The following MYRF variants were observed in gnomAD, a reference collection of about 807,000 sequenced individuals.
MYRF encodes myelin gene regulatory factor.
A neutral mutation model predicts 126.3 loss-of-function variants in MYRF; 16 were observed. The ratio of observed to expected loss-of-function variants is 0.13; its 90% CI spans 0.09 to 0.19. The LOEUF is 0.19. Ranked by LOEUF, MYRF falls within the 10% of genes least tolerant of loss-of-function variation. The pLI, the probability that MYRF is intolerant of heterozygous loss-of-function variation, is 1.00. For missense variants in MYRF, 1,104 were observed against 1,547.0 expected (o/e 0.71, Z 4.80); for synonymous variants, 608 against 635.3 (o/e 0.96, Z 0.65).
rs1372297775 is a variant in MYRF, at chr11:61,767,026, G to A, written c.398+805G>A. ...ATGGCCTCAGTTTCTTCTGTGAAGT[G>A]AGCCCTCAAATGCTTACCCCTCAAG... On this transcript the variant is annotated intron_variant, in intron 3 of 26. Coordinates refer to ENST00000278836, the MANE Select transcript of MYRF (RefSeq NM_001127392.3). 6.6e-6 allele frequency: 3 copies of A among 456,628 alleles called. No individual in the cohort carries two copies. In the Admixed American group the frequency reaches 7.0e-5, roughly 11 times the overall value. 28.3% of individuals were successfully genotyped at this position (456,628 alleles called of 1,614,324 possible). A position where few individuals can be genotyped will look rare whatever the true frequency, so the allele number is the denominator to read the frequency against.
At chr11:61,755,693 AGCCC>A (rs2065732393) in intron 1 of MYRF, 4 of 693,188 alleles carry the variant, frequency 5.8e-6, no homozygotes, top group Non-Finnish European at 1.1e-5. Flanking sequence ...CTCACTGCCC[AGCCC>A]TGGGAAGGAG....
rs759474234 is a variant in MYRF, at chr11:61,777,259, G to C, written c.1591-5G>C. The C allele has an allele frequency of 2.5e-6, 4 of 1,610,790 alleles. No individual in the cohort carries two copies. In the East Asian group the frequency reaches 8.9e-5, roughly 36 times the overall value. Reference sequence around the variant, plus strand: ...CAGGACTGATCCAGCCCCAACTCGCGGTAGGCCTCCAACCCAGGCCAGTTC... The same window carrying C: ...CAGGACTGATCCAGCCCCAACTCGCCGTAGGCCTCCAACCCAGGCCAGTTC... On this transcript the variant is annotated splice_polypyrimidine_tract_variant and splice_region_variant and intron_variant, in intron 11 of 26. Coordinates refer to ENST00000278836, the MANE Select transcript of MYRF (RefSeq NM_001127392.3). The surrounding 1 kb of genome is among the most constrained non-coding windows in gnomAD (Gnocchi z 8.8).
intron 1 of MYRF, chr11:61,753,998 C>G (rs1290622871): frequency 6.6e-6 from 1 of 152,670 alleles, no homozygotes; most frequent in Non-Finnish European, 1.5e-5. Flanking sequence ...CGAGCTCCCT[C>G]TAGTCCCTAA....
chr11:61,769,334 G>A lies in MYRF; in HGVS notation c.460+13G>A, dbSNP rs764894542. The A allele has an allele frequency of 1.9e-6, 3 of 1,604,188 alleles. No homozygotes were observed. The highest frequency in any genetic ancestry group is 2.6e-6 in the Non-Finnish European group (3 of 1,175,200). ...CAGCAGGTGAATGGTGAGTCCAGCG[G>A]GCACCGCCCTCCTGCTCCAGGGTTT... On this transcript the variant is annotated intron_variant, in intron 4 of 26. Coordinates refer to ENST00000278836, the MANE Select transcript of MYRF (RefSeq NM_001127392.3).
intron 1 of MYRF, chr11:61,755,507 G>A (rs895025152): frequency 2.5e-6 from 4 of 1,578,212 alleles, no homozygotes; most frequent in Non-Finnish European, 3.5e-6. Context: ...GGACAGGGCA[G>A]TGTCTGAGAA....
Position 61,776,827 on chromosome 11 carries a change from A to G in MYRF, c.1540A>G (p.Asn514Asp). 1.9e-6 allele frequency: 3 copies of G among 1,608,844 alleles called. No homozygotes were observed. The highest frequency in any genetic ancestry group is 1.7e-6 in the Non-Finnish European group (2 of 1,177,940). Reference sequence around the variant, plus strand: ...GGTGGCCCTCCAGGCTCATGCACAGAACCAGAACTACACGCTGGCCGCCCA... The same window carrying G: ...GGTGGCCCTCCAGGCTCATGCACAGGACCAGAACTACACGCTGGCCGCCCA... ...LVVALQAHAQ[N>D]QNYTLAAQIS... The change falls in exon 11 of 27, where the codon AAC (asparagine) becomes GAC (aspartate). Residue 514 changes from asparagine to aspartate, a missense_variant. This residue lies in a region of MYRF where 48 missense variants were observed against 148.2 expected (regional missense o/e 0.32). Coordinates refer to ENST00000278836, the MANE Select transcript of MYRF (RefSeq NM_001127392.3). The surrounding 1 kb of genome is among the most constrained non-coding windows in gnomAD (Gnocchi z 4.3).
rs559811471 is a variant in MYRF, at chr11:61,780,108, T to C, written c.2337-114T>C. The stretch of plus-strand genomic sequence containing the variant: ...TCTTCCCCTCTGGGGTGACCCATTT[T>C]GTAGGCATCACCTGGGAGCCCAGCC... On this transcript the variant is annotated intron_variant, in intron 17 of 26. Coordinates refer to ENST00000278836, the MANE Select transcript of MYRF (RefSeq NM_001127392.3). 5 of 1,345,824 alleles carry C rather than the reference T, an allele frequency of 3.7e-6. No individual in the cohort carries two copies. In the East Asian group the frequency reaches 1.2e-4, roughly 33 times the overall value. 83.4% of individuals were successfully genotyped at this position (1,345,824 alleles called of 1,614,324 possible). A position where few individuals can be genotyped will look rare whatever the true frequency, so the allele number is the denominator to read the frequency against.
Position 61,786,472 on chromosome 11 carries a change from T to G in MYRF, c.*329T>G. 1 of 378,866 alleles carries G rather than the reference T, an allele frequency of 2.6e-6. No individual in the cohort carries two copies. The allele number at this position is 378,866 out of a possible 1,614,324, so 23.5% of individuals were successfully genotyped here. A position where few individuals can be genotyped will look rare whatever the true frequency, so the allele number is the denominator to read the frequency against. Reference sequence around the variant, plus strand: ...GGTGCCCTGGAGGGAAGGGGAAGCCTGTGGCCCTGATTTGTTCAGAGCCCA... The same window carrying G: ...GGTGCCCTGGAGGGAAGGGGAAGCCGGTGGCCCTGATTTGTTCAGAGCCCA... On this transcript the variant is annotated 3_prime_UTR_variant, in exon 27 of 27. Coordinates refer to ENST00000278836, the MANE Select transcript of MYRF (RefSeq NM_001127392.3). The surrounding 1 kb of genome is among the most constrained non-coding windows in gnomAD (Gnocchi z 4.5).
Position 61,778,352 on chromosome 11 carries a change from C to T in MYRF, c.1904-28C>T, listed in dbSNP as rs1254050525. On this transcript the variant is annotated intron_variant, in intron 13 of 26. Transcript: ENST00000278836. The surrounding 1 kb of genome is among the most constrained non-coding windows in gnomAD (Gnocchi z 4.6). ...GAGTAGCCCTTTACCACCCCCCCACCCATCTTTGGCTTGTCCCCTGCCCCC... is the reference window on the plus strand; with the variant it reads ...GAGTAGCCCTTTACCACCCCCCCACTCATCTTTGGCTTGTCCCCTGCCCCC... 1.4e-6 allele frequency: 2 copies of T among 1,477,526 alleles called. No homozygotes were observed. The highest frequency in any genetic ancestry group is 1.4e-5 in the African/African-American group (1 of 72,212). 91.5% of individuals were successfully genotyped at this position (1,477,526 alleles called of 1,614,324 possible).
intron 1 of MYRF, among the ~76,000 whole-genome samples, chr11:61,762,854 C>CTCCCACCTCCT (rs1407222743): frequency 3.3e-5 from 5 of 152,332 alleles, no homozygotes; most frequent in African/African-American, 1.2e-4. Context: ...CAGTTCCCTC[C>CTCCCACCTCCT]TCCCGCCTCC....
Position 61,780,289 on chromosome 11 carries a change from G to T in MYRF, c.2404G>T (p.Gly802Cys). 6.2e-7 allele frequency: 1 copy of T among 1,611,878 alleles called. No homozygotes were observed. The highest frequency in any genetic ancestry group is 2.2e-5 in the East Asian group (1 of 44,862). ...RTEEDLVDTD[G>C]SFAVSTSCLL... ...AGAGGAGGACCTGGTAGACACTGAT[G>T]GGTAGGTTCCTGGAGGCCAAGCCAA... is the stretch of plus-strand genomic sequence containing the variant. The change falls in exon 18 of 27, where the codon GGC (glycine) becomes TGC (cysteine). Residue 802 changes from glycine (G) to cysteine (C), a missense_variant and splice_region_variant. By Grantham distance (159) the Gly-to-Cys change is radical (BLOSUM62 -3). Coordinates refer to ENST00000278836, the MANE Select transcript of MYRF (RefSeq NM_001127392.3).
chr11:61,773,546 G>T (rs1008175330), intron 7 of MYRF, among the ~76,000 whole-genome samples: 3 of 152,230 alleles, frequency 2.0e-5, no homozygotes, highest in African/African-American at 7.2e-5. Context: ...AGGGCAACTA[G>T]CTGTCAGGCG....
At chr11:61,754,073 A>AG (rs2065679575) in intron 1 of MYRF, 1 of 152,454 alleles carries the variant, frequency 6.6e-6, no homozygotes, top group African/African-American at 2.4e-5. Flanking sequence ...TCAGGGCTAC[A>AG]GGGCAGGGAA....
Position 61,785,961 on chromosome 11 carries a change from T to G in MYRF, c.3375+87T>G, listed in dbSNP as rs929523381. 8.3e-6 allele frequency: 13 copies of G among 1,561,078 alleles called. No homozygotes were observed. The African/African-American group carries it at 1.8e-4, about 21-fold the overall frequency. On this transcript the variant is annotated intron_variant, in intron 26 of 26. Coordinates refer to ENST00000278836, the MANE Select transcript of MYRF (RefSeq NM_001127392.3). Reference sequence around the variant, plus strand: ...TGAGGAATGGGGGGTTTGCACAGTATGTGGTAGGGCTGGGGGCACAGTGTC... The same window carrying G: ...TGAGGAATGGGGGGTTTGCACAGTAGGTGGTAGGGCTGGGGGCACAGTGTC...
rs1326043449 is a variant in MYRF, at chr11:61,757,684, A to T, written c.46+4894A>T. The T allele has an allele frequency of 5.1e-6, 2 of 394,004 alleles. No individual in the cohort carries two copies. 24.4% of individuals were successfully genotyped at this position (394,004 alleles called of 1,614,324 possible). A position where few individuals can be genotyped will look rare whatever the true frequency, so the allele number is the denominator to read the frequency against. On this transcript the variant is annotated intron_variant, in intron 1 of 26. Transcript: ENST00000278836. This position sits in a 1 kb window ranked among gnomAD's most constrained non-coding sequence, Gnocchi z 4.7. Reference sequence around the variant, plus strand: ...AGATTTGGGTTCTGTTCTTGCTGCCAGCAAGGAGGAGGGGCTTGGCTGTAT... The same window carrying T: ...AGATTTGGGTTCTGTTCTTGCTGCCTGCAAGGAGGAGGGGCTTGGCTGTAT...
rs1376220372 is a variant in MYRF, at chr11:61,780,379, C to T, written c.2405+89C>T. ...TCAGAGAGCCATGAGACTGTCTTCT[C>T]TAAAGGAGTTCATCCTTAGCCTCTT... is the stretch of plus-strand genomic sequence containing the variant. On this transcript the variant is annotated intron_variant, in intron 18 of 26. Transcript: ENST00000278836. The T allele has an allele frequency of 5.1e-6, 6 of 1,185,984 alleles. No homozygotes were observed. The African/African-American group carries it at 9.1e-5, about 18-fold the overall frequency. 73.5% of individuals were successfully genotyped at this position (1,185,984 alleles called of 1,614,324 possible). A position where few individuals can be genotyped will look rare whatever the true frequency, so the allele number is the denominator to read the frequency against.
At chr11:61,784,168 C>T (rs1384622118) in intron 24 of MYRF, 112 bp from the exon 25 acceptor site, 9 of 1,078,326 alleles carry the variant, frequency 8.3e-6, no homozygotes, top group Admixed American at 2.1e-5. Flanking sequence ...GGTTATTATG[C>T]GGTGTTTCAG....
chr11:61,757,253 G>GTTCTGTGCA lies in MYRF; in HGVS notation c.46+4467_46+4475dup. Reference sequence around the variant, plus strand: ...GGTCTCGGGGTAGGATGATGTAATGGTTCTGTGCATTCGCCAGCGAGGGCA... The same window carrying GTTCTGTGCA: ...GGTCTCGGGGTAGGATGATGTAATGGTTCTGTGCATTCTGTGCATTCGCCAGCGAGGGCA... On this transcript the variant is annotated intron_variant, in intron 1 of 26. Coordinates refer to ENST00000278836, the MANE Select transcript of MYRF (RefSeq NM_001127392.3). The surrounding 1 kb of genome is among the most constrained non-coding windows in gnomAD (Gnocchi z 4.7). The GTTCTGTGCA allele has an allele frequency of 2.2e-6, 1 of 456,736 alleles. No homozygotes were observed. The highest frequency in any genetic ancestry group is 6.9e-5 in the East Asian group (1 of 14,520). 28.3% of individuals were successfully genotyped at this position (456,736 alleles called of 1,614,324 possible).
chr11:61,770,946 C>T (rs1219016308), intron 5 of MYRF, among the ~76,000 whole-genome samples: 3 of 152,184 alleles, frequency 2.0e-5, no homozygotes, highest in Non-Finnish European at 4.4e-5. Context: ...ACTCAACCTG[C>T]ACGATTGTCT....
Sources: allele counts gnomAD v4.1 joint callset (sites outside exome capture counted in the v4.1 genomes callset), GRCh38; gene constraint gnomAD v4.1.1; regional missense constraint gnomAD v4.1.1; non-coding constraint Gnocchi (gnomAD v3.1); transcripts MANE v1.5; gene names NCBI Gene and HGNC (gene_info 2026-07-23, HGNC 2026-07-21).